VPS35L: variants seen among roughly 807,000 people sequenced by gnomAD.
VPS35L encodes the protein VPS35 endosomal protein-sorting factor-like.
A neutral mutation model predicts 133.0 loss-of-function variants in VPS35L; 83 were observed. The observed-to-expected ratio is 0.62, with a 90% CI of 0.52 to 0.75. The LOEUF is 0.75. Ranked by LOEUF, VPS35L falls within the 30% of genes least tolerant of loss-of-function variation. The pLI, the probability that VPS35L is intolerant of heterozygous loss-of-function variation, is 0.00. For missense variants in VPS35L, 1,083 were observed against 1,206.8 expected, an observed-to-expected ratio of 0.90 and a Z score of 1.52; for synonymous variants, 423 against 449.9, an observed-to-expected ratio of 0.94 and a Z score of 0.76.
intron 25 of VPS35L, 77 bp downstream of exon 25, chr16:19,650,536 T>A: frequency 8.4e-7 from 1 of 1,192,414 alleles, no homozygotes; most frequent in Non-Finnish European, 1.2e-6. Flanking sequence ...AAATTACATT[T>A]CCCAGAAAAA....
At chr16:19,698,685 G>A (rs1022230131) in intron 29 of VPS35L, among the ~76,000 whole-genome samples, 1 of 152,174 alleles carries the variant, frequency 6.6e-6, no homozygotes, top group South Asian at 2.1e-4. Flanking sequence ...CTGTCAGGGA[G>A]CAGACATGAG....
Position 19,665,798 on chromosome 16 carries a change from AGT to A in VPS35L, c.2222-3356_2222-3355del, listed in dbSNP as rs576470793. Among the ~76,000 whole-genome samples the A allele has an allele frequency of 4.1e-4, 62 of 152,326 alleles. 4 individuals carry two copies. The South Asian group carries it at 0.011, about 27-fold the overall frequency. On this transcript the variant is annotated intron_variant, in intron 26 of 30. Coordinates refer to ENST00000417362, the MANE Select transcript of VPS35L (RefSeq NM_020314.7). ...GTACTAATTTAACATTTGCACCAGC[AGT>A]GTGTGAGGGTTCCCCTTTTCTCCAC...
At chr16:19,592,938 G>A (rs1041157691) in intron 8 of VPS35L, among the ~76,000 whole-genome samples, 2 of 151,738 alleles carry the variant, frequency 1.3e-5, no homozygotes, top group Non-Finnish European at 2.9e-5. Context: ...TGCCCTCCTC[G>A]GCCTCCCTAA....
chr16:19,569,151 C>T (rs369160083), intron 2 of VPS35L: 54 of 621,664 alleles, frequency 8.7e-5, no homozygotes, highest in East Asian at 5.4e-4. Flanking sequence ...CATAGGGAAC[C>T]CCAGGTGCTG....
chr16:19,630,893 T>TG (rs1973435216), intron 18 of VPS35L, among the ~76,000 whole-genome samples: 2 of 151,986 alleles, frequency 1.3e-5, no homozygotes, highest in Non-Finnish European at 2.9e-5. Flanking sequence ...CCTGTAGTCC[T>TG]AGCTACCCAG....
intron 27 of VPS35L, among the ~76,000 whole-genome samples, chr16:19,674,033 A>G (rs1974966479): frequency 1.3e-5 from 2 of 152,142 alleles, no homozygotes; most frequent in Non-Finnish European, 2.9e-5. Flanking sequence ...CAGATGCTAC[A>G]GGATGTTTAT....
At chr16:19,586,819 A>G (rs996455186) in intron 7 of VPS35L, among the ~76,000 whole-genome samples, 1 of 152,170 alleles carries the variant, frequency 6.6e-6, no homozygotes, top group African/African-American at 2.4e-5. Flanking sequence ...TACTTTTTAT[A>G]TATCCTATAA....
At position 19,669,230 on chromosome 16, in the gene VPS35L, G is replaced by A. The variant is rs1340124937; in HGVS notation, c.2292G>A (p.Lys764=). 6.8e-6 allele frequency: 11 copies of A among 1,613,280 alleles called. No homozygotes were observed. Among genetic ancestry groups the A allele is most frequent in the Middle Eastern group, 3.3e-4 (2 of 6,084 alleles). The part of the protein sequence containing the change: ...EVPKMINIDG[K]MRPSESFLLE... ...CAAAGATGATTAATATTGATGGGAA[G>A]ATGCGGCCATCGGAATCGTTCCTTC... Residue 764 remains lysine (K), a synonymous_variant, in exon 27 of 31, where the codon AAG becomes AAA. Coordinates refer to ENST00000417362, the MANE Select transcript of VPS35L (RefSeq NM_020314.7).
chr16:19,574,378 G>A (rs114630055), intron 4 of VPS35L, among the ~76,000 whole-genome samples: 2,719 of 152,272 alleles, frequency 0.018, 92 homozygotes, highest in African/African-American at 0.063. Flanking sequence ...AGTTACATTT[G>A]TCTTGAAGGT....
intron 1 of VPS35L, among the ~76,000 whole-genome samples, chr16:19,563,965 A>G (rs1175058221): frequency 6.6e-6 from 1 of 152,188 alleles, no homozygotes; most frequent in African/African-American, 2.4e-5. Context: ...GAATTCACAA[A>G]TGCCCTCAGC....
intron 3 of VPS35L, among the ~76,000 whole-genome samples, chr16:19,572,805 C>T (rs1971423293): frequency 6.6e-6 from 1 of 152,092 alleles, no homozygotes; most frequent in Admixed American, 6.6e-5. Context: ...GCCTCAGCCT[C>T]CTGAGTAGCT....
chr16:19,589,396 A>T (rs1413966802), intron 7 of VPS35L, among the ~76,000 whole-genome samples: 1 of 152,024 alleles, frequency 6.6e-6, no homozygotes, highest in Non-Finnish European at 1.5e-5. Context: ...GGCACACACC[A>T]CCATGCCTGG....
At chr16:19,675,326 T>C (rs1472065207) in intron 27 of VPS35L, among the ~76,000 whole-genome samples, 4 of 151,666 alleles carry the variant, frequency 2.6e-5, no homozygotes, top group Non-Finnish European at 5.9e-5. Context: ...CACTGCAGCG[T>C]GAGCCACTGC....
rs531081300 is a variant in VPS35L, at chr16:19,682,333, G to A, written c.2470G>A (p.Val824Ile). 2.2e-5 allele frequency: 36 copies of A among 1,614,096 alleles called. No homozygotes were observed. Among genetic ancestry groups the A allele is most frequent in the South Asian group, 1.8e-4 (16 of 91,078 alleles). ...SDEKIRIYTC[V>I]LHLLSAMSQE... The stretch of plus-strand genomic sequence containing the variant: ...TGAGAAAATCCGCATCTACACCTGC[G>A]TCCTGCATCTCCTCTCCGCCATGAG... The change falls in exon 28 of 31, where the codon GTC (valine) becomes ATC (isoleucine). Residue 824 changes from valine to isoleucine, a missense_variant. By Grantham distance (29) the Val-to-Ile change is conservative. Transcript: ENST00000417362.
intron 13 of VPS35L, among the ~76,000 whole-genome samples, chr16:19,616,434 CA>C (rs1972895469): frequency 6.6e-6 from 1 of 152,058 alleles, no homozygotes; most frequent in Non-Finnish European, 1.5e-5. Context: ...TGCTTCTGAG[CA>C]TCTGCTGGCT....
intron 26 of VPS35L, among the ~76,000 whole-genome samples, chr16:19,654,989 AT>A (rs1160944565): frequency 6.6e-6 from 1 of 152,238 alleles, no homozygotes; most frequent in African/African-American, 2.4e-5. Flanking sequence ...GGATAAAGGT[AT>A]CCCCCTTATC....
At chr16:19,561,994 A>G (rs1029428046) in intron 1 of VPS35L, among the ~76,000 whole-genome samples, 3 of 152,058 alleles carry the variant, frequency 2.0e-5, no homozygotes, top group Non-Finnish European at 4.4e-5. Context: ...GGTCCCAGCT[A>G]CTTAAGAGGC....
chr16:19,559,789 C>T (rs1199844684), intron 1 of VPS35L, among the ~76,000 whole-genome samples: 1 of 152,124 alleles, frequency 6.6e-6, no homozygotes, highest in Non-Finnish European at 1.5e-5. Context: ...CGGGTTCAAG[C>T]AATTCTCGTG....
chr16:19,659,331 C>T (rs1332179773), intron 26 of VPS35L, among the ~76,000 whole-genome samples: 1 of 152,112 alleles, frequency 6.6e-6, no homozygotes, highest in Non-Finnish European at 1.5e-5. Context: ...GAGCCCTTGA[C>T]AGTTCAGAGA....
Sources: gnomAD v4.1 joint callset for allele counts (sites outside exome capture counted in the v4.1 genomes callset) on GRCh38, gnomAD v4.1.1 for gene constraint, MANE v1.5 for transcripts, NCBI Gene and HGNC (gene_info 2026-07-23, HGNC 2026-07-21) for gene names.